Variants in OPRM1 observed in about 807,000 individuals in gnomAD.
The protein encoded by OPRM1 is mu-type opioid receptor.
In OPRM1, 27 loss-of-function variants were observed where a neutral mutation model predicts 31.8. That is an observed-to-expected ratio of 0.85 (90% CI 0.63 to 1.17). OPRM1 has a LOEUF of 1.17. Among genes scored for constraint, OPRM1 ranks in the 50% most tolerant of loss-of-function variants. OPRM1 has a pLI of 0.00. For synonymous variants in OPRM1, 196 were observed against 189.9 expected, an observed-to-expected ratio of 1.03 and a Z score of -0.26; for missense variants, 536 against 511.1, an observed-to-expected ratio of 1.05 and a Z score of -0.47.
intron 3 of OPRM1, among the ~76,000 whole-genome samples, chr6:154,140,608 G>T (rs1394087024): frequency 6.6e-6 from 1 of 152,176 alleles, no homozygotes; most frequent in Non-Finnish European, 1.5e-5. Flanking sequence ...GGGATTACAG[G>T]TGTGAGCAGC....
intron 1 of OPRM1, among the ~76,000 whole-genome samples, chr6:154,065,150 ATT>A (rs564465420): frequency 2.4e-4 from 32 of 133,648 alleles, no homozygotes; most frequent in African/African-American, 6.4e-4. Context: ...GTCTTCTTTA[ATT>A]TTTTTTTTTT....
At chr6:154,240,493 A>T (rs1780489475) in intron 3 of OPRM1, among the ~76,000 whole-genome samples, 1 of 151,440 alleles carries the variant, frequency 6.6e-6, no homozygotes, top group African/African-American at 2.4e-5. Context: ...CCCAGGGAAA[A>T]TTAATCTGTT....
chr6:154,205,870 T>C (rs1777451885), intron 3 of OPRM1, among the ~76,000 whole-genome samples: 1 of 152,008 alleles, frequency 6.6e-6, no homozygotes, highest in African/African-American at 2.4e-5. Flanking sequence ...ATGCTTCTGC[T>C]TGTGTTCCTC....
chr6:154,022,573 T>G (rs1291343605), intron 1 of OPRM1, among the ~76,000 whole-genome samples: 1 of 152,190 alleles, frequency 6.6e-6, no homozygotes, highest in Non-Finnish European at 1.5e-5. Context: ...ATATCATTTG[T>G]CCATTTTTGC....
intron 3 of OPRM1, chr6:154,212,686 G>C (rs1778062477): frequency 1.1e-6 from 1 of 890,882 alleles, no homozygotes; most frequent in African/African-American, 1.7e-5. Flanking sequence ...AAATTTATTG[G>C]TCAAGCTACT....
intron 3 of OPRM1, among the ~76,000 whole-genome samples, chr6:154,160,295 C>T (rs1485649960): frequency 1.3e-5 from 2 of 149,950 alleles, no homozygotes; most frequent in Non-Finnish European, 2.9e-5. Context: ...TTCTATGTTG[C>T]CTTTCCCTGA....
chr6:154,033,335 G>A (rs1022476694), intron 1 of OPRM1, among the ~76,000 whole-genome samples: 4 of 152,128 alleles, frequency 2.6e-5, no homozygotes, highest in African/African-American at 7.2e-5. Context: ...TTGAAGGCAG[G>A]CCTTGGGTTA....
chr6:154,011,118 A>G (rs948736062), intron 1 of OPRM1: 23 of 1,075,400 alleles, frequency 2.1e-5, no homozygotes, highest in African/African-American at 2.0e-4. Context: ...CTTAAATGCT[A>G]TACATTCTAC....
At chr6:154,021,589 A>G (rs1778367694) in intron 1 of OPRM1, among the ~76,000 whole-genome samples, 1 of 152,186 alleles carries the variant, frequency 6.6e-6, no homozygotes, top group Non-Finnish European at 1.5e-5. Context: ...TTATCCAAAA[A>G]CATGGAATCT....
At chr6:154,095,417 T>C (rs1202143242) in intron 3 of OPRM1, among the ~76,000 whole-genome samples, 1 of 152,224 alleles carries the variant, frequency 6.6e-6, no homozygotes, top group Admixed American at 6.5e-5. Flanking sequence ...CATGACCCCT[T>C]CATCATGCAA....
At chr6:154,195,033 C>T (rs969017239) in intron 3 of OPRM1, among the ~76,000 whole-genome samples, 4 of 152,122 alleles carry the variant, frequency 2.6e-5, no homozygotes, top group Non-Finnish European at 4.4e-5. Flanking sequence ...CCTTCCTTCC[C>T]GTCTCCACTG....
chr6:154,022,910 G>T (rs1387521438), intron 1 of OPRM1, among the ~76,000 whole-genome samples: 1 of 152,126 alleles, frequency 6.6e-6, no homozygotes, highest in African/African-American at 2.4e-5. Context: ...ACTGGTCTAT[G>T]TGTCTGTTTT....
At chr6:154,047,346 A>C (rs1338247798) in intron 1 of OPRM1, among the ~76,000 whole-genome samples, 1 of 152,154 alleles carries the variant, frequency 6.6e-6, no homozygotes, top group South Asian at 2.1e-4. Flanking sequence ...ACAAGGAATG[A>C]AAAACAGTGA....
chr6:154,038,854 G>C (rs17180989), upstream of OPRM1, among the ~76,000 whole-genome samples: 1,392 of 152,294 alleles, frequency 9.1e-3, 26 homozygotes, highest in African/African-American at 0.032. Flanking sequence ...CAACAGGTTT[G>C]TAGGGAAGAA....
rs568597054 is a variant in OPRM1 at position 154,084,351 on chromosome 6, A to G, written c.291-5475A>G. Among the ~76,000 whole-genome samples, 4 of 152,274 alleles carry G rather than the reference A, an allele frequency of 2.6e-5. No homozygotes were observed. The South Asian group carries it at 6.2e-4, about 24-fold the overall frequency. On this transcript the variant is annotated intron_variant, in intron 1 of 3. Coordinates refer to ENST00000330432, the MANE Select transcript of OPRM1 (RefSeq NM_000914.5). ...ATAGTCTTTCTCCATGTTAATGCCAATGAGAGGATAATCACTAGTTTTGAT... is the reference window on the plus strand; with the variant it reads ...ATAGTCTTTCTCCATGTTAATGCCAGTGAGAGGATAATCACTAGTTTTGAT...
chr6:154,237,903 A>G (rs1780265198), intron 3 of OPRM1, among the ~76,000 whole-genome samples: 4 of 152,272 alleles, frequency 2.6e-5, no homozygotes, highest in East Asian at 1.9e-4. Context: ...ATAAATATCA[A>G]TTCAATATAT....
chr6:154,212,737 G>A (rs773636332), intron 3 of OPRM1: 11 of 1,414,952 alleles, frequency 7.8e-6, no homozygotes, highest in South Asian at 2.3e-5. Context: ...ATGTCTGATC[G>A]ATGACCAACA....
At chr6:154,090,883 G>A (rs779183515) in intron 2 of OPRM1, 69 bp from the exon 3 acceptor site, 2 of 1,356,262 alleles carry the variant, frequency 1.5e-6, no homozygotes, top group Non-Finnish European at 2.0e-6. Flanking sequence ...GAGCAAAATG[G>A]CAGTATTAAC....
At chr6:154,232,974 T>C (rs1453121596) in intron 3 of OPRM1, among the ~76,000 whole-genome samples, 3 of 150,926 alleles carry the variant, frequency 2.0e-5, no homozygotes, top group South Asian at 2.1e-4. Flanking sequence ...CTTTTCTTTT[T>C]TTTTTTTTTT....
Sources: allele counts gnomAD v4.1 joint callset (sites outside exome capture counted in the v4.1 genomes callset), GRCh38; gene constraint gnomAD v4.1.1; transcripts MANE v1.5; gene names NCBI Gene and HGNC (gene_info 2026-07-23, HGNC 2026-07-21).